The following CSNK2A2 variants were observed in gnomAD, a reference collection of about 807,000 sequenced individuals.
CSNK2A2 encodes casein kinase II subunit alpha'.
In CSNK2A2, 8 loss-of-function variants were observed where a neutral mutation model predicts 54.0. The ratio of observed to expected loss-of-function variants is 0.15; its 90% confidence interval spans 0.09 to 0.27. CSNK2A2 has a LOEUF of 0.27. Among genes scored for constraint, CSNK2A2 ranks in the 10% least tolerant of loss-of-function variants. The pLI, the probability that CSNK2A2 is intolerant of heterozygous loss-of-function variation, is 1.00. For missense variants in CSNK2A2, 242 were observed against 439.4 expected (o/e 0.55, Z 4.02); for synonymous variants, 141 against 153.9 (o/e 0.92, Z 0.62).
chr16:58,163,495 T>G (rs1303331099), intron 11 of CSNK2A2: 1 of 151,196 alleles, frequency 6.6e-6, no homozygotes. Context: ...GGAGGAAAAC[T>G]GCGGGGATGA....
chr16:58,167,875 G>A, intron 6 of CSNK2A2, 80 bp from the exon 7 acceptor site: 1 of 1,047,816 alleles, frequency 9.5e-7, no homozygotes, highest in Non-Finnish European at 1.5e-6. Context: ...CATCACATTA[G>A]GTAACAATCA....
At chr16:58,196,922 C>A (rs1299812250) in intron 1 of CSNK2A2, 78 bp from the exon 2 acceptor site, 17 of 878,974 alleles carry the variant, frequency 1.9e-5, no homozygotes, top group Non-Finnish European at 2.7e-5. Context: ...CGTCATTCAG[C>A]CGCTTCCACC....
At chr16:58,169,226 G>A (rs901644273) in intron 5 of CSNK2A2, among the ~76,000 whole-genome samples, 3 of 151,380 alleles carry the variant, frequency 2.0e-5, no homozygotes, top group Non-Finnish European at 2.9e-5. Context: ...GTGCCCAGCC[G>A]AGGAAGATTT....
intron 5 of CSNK2A2, among the ~76,000 whole-genome samples, chr16:58,172,405 G>C (rs1199612556): frequency 6.6e-6 from 1 of 152,262 alleles, no homozygotes; most frequent in East Asian, 1.9e-4. Context: ...TGAATCAGGA[G>C]ATCAGGTTAA....
chr16:58,167,339 G>A (rs1567464082), intron 7 of CSNK2A2, 31 bp from the exon 8 acceptor site: 1 of 1,520,708 alleles, frequency 6.6e-7, no homozygotes, highest in Non-Finnish European at 9.0e-7. Flanking sequence ...CATTAGCCAA[G>A]GGTATTAGAA....
At chr16:58,167,940 G>T in intron 6 of CSNK2A2, 145 bp from the exon 7 acceptor site, 1 of 649,002 alleles carries the variant, frequency 1.5e-6, no homozygotes, top group Non-Finnish European at 2.7e-6. Context: ...TACATTTTCA[G>T]CAATCGTGCA....
At chr16:58,174,319 A>G (rs989000309) in intron 5 of CSNK2A2, 132 bp downstream of exon 5, 10 of 637,638 alleles carry the variant, frequency 1.6e-5, no homozygotes, top group East Asian at 9.4e-5. Context: ...AGGCCTCAAT[A>G]TAAGTTTAAA....
intron 11 of CSNK2A2, chr16:58,161,532 C>CAG (rs1567460703): frequency 7.1e-6 from 1 of 140,700 alleles, no homozygotes; most frequent in African/African-American, 2.8e-5. Flanking sequence ...CACAGACACA[C>CAG]ACACAGACAC....
At chr16:58,184,205 T>C (rs1962135279) in intron 4 of CSNK2A2, 55 bp downstream of exon 4, 1 of 1,394,410 alleles carries the variant, frequency 7.2e-7, no homozygotes, top group Non-Finnish European at 1.0e-6. Context: ...ACAGTATTTA[T>C]CACCAGCTCC....
chr16:58,189,020 A>C (rs1202544362), intron 2 of CSNK2A2, among the ~76,000 whole-genome samples: 1 of 148,326 alleles, frequency 6.7e-6, no homozygotes, highest in South Asian at 2.1e-4. Flanking sequence ...ACAGTGGCGC[A>C]ATCTCAGCTC....
At chr16:58,181,217 T>C (rs1045107821) in intron 4 of CSNK2A2, among the ~76,000 whole-genome samples, 2 of 152,180 alleles carry the variant, frequency 1.3e-5, no homozygotes, top group South Asian at 2.1e-4. Context: ...CTAGAAAACA[T>C]GTCTCTGCCA....
At chr16:58,159,706 G>A (rs1194167444) in intron 11 of CSNK2A2, 1 of 152,150 alleles carries the variant, frequency 6.6e-6, no homozygotes, top group Admixed American at 6.5e-5. Context: ...AATTGTGTCT[G>A]AAGTAGTCAC....
chr16:58,170,910 C>T (rs551689680), intron 5 of CSNK2A2, among the ~76,000 whole-genome samples: 7 of 152,134 alleles, frequency 4.6e-5, no homozygotes, highest in Non-Finnish European at 1.0e-4. Context: ...AAATTCAGGA[C>T]CTTTGGCTAA....
intron 4 of CSNK2A2, among the ~76,000 whole-genome samples, chr16:58,176,887 C>T (rs187803506): frequency 3.3e-5 from 5 of 152,330 alleles, no homozygotes; most frequent in East Asian, 1.9e-4. Context: ...CACTCTGCTG[C>T]GTGCTTTGTC....
intron 2 of CSNK2A2, among the ~76,000 whole-genome samples, chr16:58,189,153 C>T (rs1178924128): frequency 6.6e-6 from 1 of 151,878 alleles, no homozygotes; most frequent in East Asian, 1.9e-4. Context: ...GAGACGGGGT[C>T]TCACCATGTT....
At chr16:58,179,509 AAAAG>A (rs1449719799) in intron 4 of CSNK2A2, among the ~76,000 whole-genome samples, 2 of 152,108 alleles carry the variant, frequency 1.3e-5, no homozygotes, top group South Asian at 4.2e-4. Flanking sequence ...TCAAAAAAAA[AAAAG>A]AAAGAAAAGA....
chr16:58,194,005 A>C (rs750886728), intron 2 of CSNK2A2, among the ~76,000 whole-genome samples: 9 of 152,222 alleles, frequency 5.9e-5, no homozygotes, highest in Non-Finnish European at 1.0e-4. Context: ...ATGCAAATTA[A>C]ATGATATAAA....
intron 10 of CSNK2A2, 116 bp from the exon 11 acceptor site, chr16:58,164,263 AG>A (rs1263329675): frequency 1.5e-5 from 12 of 817,910 alleles, no homozygotes; most frequent in East Asian, 7.8e-5. Flanking sequence ...AGCCAGGGTC[AG>A]GGGGGCAACA....
intron 4 of CSNK2A2, among the ~76,000 whole-genome samples, chr16:58,180,756 G>C (rs2142433571): frequency 6.6e-6 from 1 of 152,232 alleles, no homozygotes; most frequent in South Asian, 2.1e-4. Flanking sequence ...ATGGGCTGCG[G>C]GCTGCATCAC....
Sources: gnomAD v4.1 joint callset for allele counts (sites outside exome capture counted in the v4.1 genomes callset) on GRCh38, gnomAD v4.1.1 for gene constraint, MANE v1.5 for transcripts, NCBI Gene and HGNC (gene_info 2026-07-23, HGNC 2026-07-21) for gene names.